PLCH1: variants seen among roughly 807,000 people sequenced by gnomAD.
The protein encoded by PLCH1 is 1-phosphatidylinositol 4,5-bisphosphate phosphodiesterase eta-1.
In PLCH1, 60 loss-of-function variants were observed where a neutral mutation model predicts 126.7. That is an observed-to-expected ratio of 0.47 (90% confidence interval 0.38 to 0.59). PLCH1 has a LOEUF of 0.59. PLCH1 is among the 20% of genes least tolerant of loss of function. The probability of loss-of-function intolerance (pLI) is 0.00; values close to 1 mark genes in which losing one functional copy is unlikely to be tolerated. For missense variants in PLCH1, 1,723 were observed against 2,040.0 expected, an observed-to-expected ratio of 0.84 and a Z score of 2.99; for synonymous variants, 719 against 734.9, an observed-to-expected ratio of 0.98 and a Z score of 0.35.
Position 155,492,784 on chromosome 3 carries a change from A to G in PLCH1, c.2252T>C (p.Ile751Thr). 6.2e-7 allele frequency: 1 copy of G among 1,606,358 alleles called. No individual in the cohort carries two copies. The highest frequency in any genetic ancestry group is 8.5e-7 in the Non-Finnish European group (1 of 1,176,828). Residue 751 changes from isoleucine to threonine, a missense_variant, in exon 18 of 23, where the codon ATC becomes ACC. By Grantham distance (89) the Ile-to-Thr change is moderately conservative. Around this residue, in one of 2 missense-constraint regions of PLCH1, gnomAD observed 776 missense variants for 1,062.9 expected, o/e 0.73. Coordinates refer to ENST00000460012, the MANE Select transcript of PLCH1 (RefSeq NM_014996.4). ...AGGTTTGGGGAGTTGCTGTCCACTG[A>G]TAACTTTCAGGATGAGCTGCTTTTT... ...NPKKQLILKV[I>T]SGQQLPKPPD...
chr3:155,554,378 GA>G (rs1272585620), intron 8 of PLCH1, among the ~76,000 whole-genome samples, 182 bp from the exon 9 acceptor site: 2 of 152,202 alleles, frequency 1.3e-5, no homozygotes, highest in Non-Finnish European at 2.9e-5. Context: ...AGGAATTAAA[GA>G]ATTGCTTTTC....
intron 10 of PLCH1, among the ~76,000 whole-genome samples, chr3:155,537,202 C>CAA (rs535908017): frequency 7.6e-4 from 8 of 10,466 alleles, no homozygotes; most frequent in South Asian, 7.4e-3. Context: ...AAAAAAAAAC[C>CAA]AAAAAAAAAA....
chr3:155,620,684 G>T (rs570393674), intron 2 of PLCH1, among the ~76,000 whole-genome samples: 1 of 152,272 alleles, frequency 6.6e-6, no homozygotes, highest in African/African-American at 2.4e-5. Flanking sequence ...GCTCAGCAAG[G>T]CCACTGCGGC....
chr3:155,596,080 G>C (rs578247639), intron 3 of PLCH1, 152 bp downstream of exon 3: 8 of 622,446 alleles, frequency 1.3e-5, no homozygotes, highest in Non-Finnish European at 2.0e-5. Context: ...CCCAAAGATG[G>C]TCATTATTCT....
chr3:155,601,610 T>A (rs1733744035), intron 2 of PLCH1, among the ~76,000 whole-genome samples: 1 of 152,172 alleles, frequency 6.6e-6, no homozygotes, highest in Admixed American at 6.5e-5. Flanking sequence ...GTATGACATC[T>A]AAGAAGGTTT....
intron 4 of PLCH1, among the ~76,000 whole-genome samples, chr3:155,590,274 T>A (rs573601880): frequency 1.3e-5 from 2 of 152,248 alleles, no homozygotes; most frequent in African/African-American, 2.4e-5. Context: ...AAGGATGTGA[T>A]CCCATTATTA....
chr3:155,456,439 G>A lies in PLCH1; in HGVS notation c.2938+28917C>T, dbSNP rs568786462. Among the ~76,000 whole-genome samples the A allele has an allele frequency of 1.8e-3, 273 of 152,192 alleles. 3 individuals carry two copies. The highest frequency in any genetic ancestry group is 2.7e-3 in the Non-Finnish European group (184 of 68,012). The stretch of plus-strand genomic sequence containing the variant: ...GCTGCCTTTAGCCCACAGGCCATGG[G>A]TTGGACAAGTTTGATCTAAAACAAA... On this transcript the variant is annotated intron_variant, in intron 21 of 21. Coordinates refer to the PLCH1 transcript ENST00000494598.
intron 21 of PLCH1, among the ~76,000 whole-genome samples, chr3:155,460,047 T>C (rs532097013): frequency 5.9e-5 from 9 of 152,160 alleles, no homozygotes; most frequent in African/African-American, 1.2e-4. Context: ...CTCTAGGTGG[T>C]TGAGATGCAC....
At chr3:155,577,750 CTAAAA>C (rs1337907974) in intron 6 of PLCH1, among the ~76,000 whole-genome samples, 1 of 152,166 alleles carries the variant, frequency 6.6e-6, no homozygotes, top group African/African-American at 2.4e-5. Context: ...GTCAACAAAA[CTAAAA>C]TGAGAGAAGA....
chr3:155,596,827 A>G (rs1733042256), intron 2 of PLCH1, among the ~76,000 whole-genome samples: 1 of 152,248 alleles, frequency 6.6e-6, no homozygotes, highest in African/African-American at 2.4e-5. Context: ...TTAAAATGGG[A>G]TAATGATTAC....
chr3:155,637,982 C>T (rs1425219897), intron 2 of PLCH1, among the ~76,000 whole-genome samples: 1 of 152,166 alleles, frequency 6.6e-6, no homozygotes, highest in Admixed American at 6.5e-5. Context: ...GTTAGGAAGA[C>T]AGTTTGCACA....
rs773565288 is a variant in PLCH1 at position 155,704,131 on chromosome 3, C to A, written c.79+15G>T. ...AATAAAAGATCCAACTACATAAATA[C>A]AAGAGACAGCTTACCATGAAACACA... On this transcript the variant is annotated intron_variant, in intron 2 of 22. Transcript: ENST00000460012. The A allele has an allele frequency of 7.5e-5, 86 of 1,147,248 alleles. No individual in the cohort carries two copies. Among genetic ancestry groups the A allele is most frequent in the Non-Finnish European group, 9.2e-5 (84 of 910,980 alleles). The allele number at this position is 1,147,248 out of a possible 1,614,324, so 71.1% of individuals were successfully genotyped here. A position where few individuals can be genotyped will look rare whatever the true frequency, so the allele number is the denominator to read the frequency against.
intron 1 of PLCH1, among the ~76,000 whole-genome samples, chr3:155,712,186 G>T (rs1023238331): frequency 6.6e-6 from 1 of 152,162 alleles, no homozygotes; most frequent in Admixed American, 6.5e-5. Context: ...TCTGGTTTCA[G>T]TTCTAACAAC....
intron 2 of PLCH1, among the ~76,000 whole-genome samples, chr3:155,617,000 A>T (rs13082287): frequency 0.13 from 20,332 of 152,186 alleles, 2,034 homozygotes; most frequent in East Asian, 0.43. Flanking sequence ...TTTAAATCAC[A>T]TGGAAAACAT....
intron 1 of PLCH1, among the ~76,000 whole-genome samples, chr3:155,739,466 C>T (rs572931421): frequency 6.6e-6 from 1 of 152,014 alleles, no homozygotes; most frequent in East Asian, 1.9e-4. Context: ...AAAACATAGC[C>T]CACATCGTTT....
In PLCH1 at chr3:155,536,533, T is replaced by C. The variant is rs187471271; in HGVS notation, c.1363-12529A>G. Among the ~76,000 whole-genome samples the C allele has an allele frequency of 2.0e-3, 305 of 152,050 alleles. 1 individual carries two copies. Among genetic ancestry groups the C allele is most frequent in the African/African-American group, 7.0e-3 (290 of 41,482 alleles). The stretch of plus-strand genomic sequence containing the variant: ...ACTCTTAGAGAAATGCAAAATACAC[T>C]GGAAAGTTTCAACAAAAGAATCAAA... On this transcript the variant is annotated intron_variant, in intron 10 of 22. Coordinates refer to ENST00000460012, the MANE Select transcript of PLCH1 (RefSeq NM_014996.4).
chr3:155,461,440 A>G (rs1712720135), intron 21 of PLCH1, among the ~76,000 whole-genome samples: 1 of 152,220 alleles, frequency 6.6e-6, no homozygotes, highest in South Asian at 2.1e-4. Context: ...AAACGCCCAG[A>G]AAAAGGTTGA....
intron 2 of PLCH1, among the ~76,000 whole-genome samples, chr3:155,642,561 A>G (rs1739524876): frequency 6.6e-6 from 1 of 152,228 alleles, no homozygotes; most frequent in Admixed American, 6.5e-5. Flanking sequence ...TGCGCTCTCC[A>G]ATGTGTATGG....
intron 2 of PLCH1, among the ~76,000 whole-genome samples, chr3:155,600,203 A>G (rs1733534413): frequency 1.3e-5 from 2 of 152,188 alleles, no homozygotes; most frequent in African/African-American, 4.8e-5. Context: ...AGCACCCTCA[A>G]TAACTCTTTG....
Sources: allele counts gnomAD v4.1 joint callset (sites outside exome capture counted in the v4.1 genomes callset), GRCh38; gene constraint gnomAD v4.1.1; regional missense constraint gnomAD v4.1.1; transcripts MANE v1.5; gene names NCBI Gene and HGNC (gene_info 2026-07-23, HGNC 2026-07-21).